The following EML5 variants were observed in gnomAD, a reference collection of about 807,000 sequenced individuals.
EML5 encodes the protein echinoderm microtubule-associated protein-like 5.
A neutral mutation model predicts 250.0 loss-of-function variants in EML5; 120 were observed. That is an observed-to-expected ratio of 0.48 (90% CI 0.41 to 0.56). EML5 has a LOEUF of 0.56. EML5 is among the 20% of genes least tolerant of loss of function. The pLI is 0.00. For synonymous variants in EML5, 771 were observed against 806.5 expected, an observed-to-expected ratio of 0.96 and a Z score of 0.75; for missense variants, 2,006 against 2,437.6, an observed-to-expected ratio of 0.82 and a Z score of 3.73.
chr14:88,616,092 T>C (rs1276128888), intron 43 of EML5, 50 bp downstream of exon 43: 8 of 1,580,718 alleles, frequency 5.1e-6, no homozygotes, highest in African/African-American at 4.0e-5. Flanking sequence ...GTATTAAGTC[T>C]CTTAACTAGT....
At chr14:88,704,759 T>A in intron 13 of EML5, 101 bp downstream of exon 13, 2 of 799,786 alleles carry the variant, frequency 2.5e-6, no homozygotes, top group Admixed American at 2.6e-5. Context: ...CTTTCGGATA[T>A]GTCATTTCAG....
intron 1 of EML5, among the ~76,000 whole-genome samples, chr14:88,764,512 T>C (rs1345450857): frequency 1.3e-5 from 2 of 152,228 alleles, no homozygotes; most frequent in Non-Finnish European, 2.9e-5. Flanking sequence ...TCAGCCTAGC[T>C]AGAAGTTTAT....
intron 35 of EML5, chr14:88,625,659 C>T (rs1447728526): frequency 6.5e-6 from 1 of 153,588 alleles, no homozygotes; most frequent in East Asian, 1.9e-4. Context: ...GCCTTGGCCT[C>T]CCTAAGTGCT....
At chr14:88,715,988 C>G (rs917983288) in intron 8 of EML5, among the ~76,000 whole-genome samples, 1 of 151,940 alleles carries the variant, frequency 6.6e-6, no homozygotes, top group Admixed American at 6.6e-5. Context: ...AGTAAAACAC[C>G]ACGGAGTTTC....
At chr14:88,634,427 CA>C in intron 33 of EML5, 41 bp downstream of exon 33, 1 of 1,379,930 alleles carries the variant, frequency 7.2e-7, no homozygotes, top group Middle Eastern at 1.8e-4. Flanking sequence ...CTATCATTAC[CA>C]AACAATATAA....
rs1207959351 is a variant in EML5, at chr14:88,638,865, C to T, written c.4280G>A (p.Cys1427Tyr). 6.3e-7 allele frequency: 1 copy of T among 1,597,220 alleles called. No individual in the cohort carries two copies. Among genetic ancestry groups the T allele is most frequent in the African/African-American group, 1.3e-5 (1 of 74,700 alleles). ...FYQEHNDDILCLTVNQHPKFI... is the reference protein window; with the variant it reads ...FYQEHNDDILYLTVNQHPKFI... ...TTTGGGGTGCTGGTTTACTGTGAGG[C>T]ACAGAATATCATCATTATGTTCCTG... is the stretch of plus-strand genomic sequence containing the variant. Residue 1427 changes from cysteine to tyrosine, a missense_variant, in exon 32 of 44, where the codon TGC becomes TAC. Transcript: ENST00000554922.
intron 1 of EML5, among the ~76,000 whole-genome samples, chr14:88,774,178 G>A (rs557532251): frequency 6.6e-6 from 1 of 152,130 alleles, no homozygotes; most frequent in Non-Finnish European, 1.5e-5. Context: ...TGATTACTGG[G>A]CTCTACACTT....
chr14:88,673,360 T>C (rs1446911848), intron 21 of EML5, among the ~76,000 whole-genome samples: 1 of 152,162 alleles, frequency 6.6e-6, no homozygotes, highest in African/African-American at 2.4e-5. Flanking sequence ...AAATTCTCAA[T>C]AAACTAGGTA....
chr14:88,726,552 T>A lies in EML5; in HGVS notation c.1176A>T (p.Val392=). The change falls in exon 8 of 44, where the codon GTA becomes GTT. Residue 392 remains valine (V), a synonymous_variant. Coordinates refer to ENST00000554922, the MANE Select transcript of EML5 (RefSeq NM_183387.3). The part of the protein sequence containing the change: ...ALGMKDGSFT[V]LRVRDMTEVV... Reference sequence around the variant, plus strand: ...CCCTAATACCATACCTTACTCTAAGTACAGTGAATGAGCCATCCTTCATTC... The same window carrying A: ...CCCTAATACCATACCTTACTCTAAGAACAGTGAATGAGCCATCCTTCATTC... 1 of 1,606,258 alleles carries A rather than the reference T, an allele frequency of 6.2e-7. No homozygotes were observed. Among genetic ancestry groups the A allele is most frequent in the Non-Finnish European group, 8.5e-7 (1 of 1,176,052 alleles).
chr14:88,781,499 G>T (rs1157605667), intron 1 of EML5, among the ~76,000 whole-genome samples: 1 of 152,154 alleles, frequency 6.6e-6, no homozygotes, highest in African/African-American at 2.4e-5. Context: ...ACTAAAAATA[G>T]TCACTTCTTT....
rs547384412 is a variant in EML5, at chr14:88,792,230, G to A, written c.197+77C>T. Reference sequence around the variant, plus strand: ...GATGCTCCGTGCAGGAGCGGTCACGGCGTCCAGAGGAACCCGCGGGTGCAA... The same window carrying A: ...GATGCTCCGTGCAGGAGCGGTCACGACGTCCAGAGGAACCCGCGGGTGCAA... On this transcript the variant is annotated intron_variant, in intron 1 of 43. Coordinates refer to ENST00000554922, the MANE Select transcript of EML5 (RefSeq NM_183387.3). This position sits in a 1 kb window ranked among gnomAD's most constrained non-coding sequence, Gnocchi z 6.9. 6.6e-7 allele frequency: 1 copy of A among 1,505,804 alleles called. No individual in the cohort carries two copies. The highest frequency in any genetic ancestry group is 1.2e-5 in the South Asian group (1 of 81,440). 93.3% of individuals were successfully genotyped at this position (1,505,804 alleles called of 1,614,324 possible).
rs1382281381 is a variant in EML5 at position 88,704,908 on chromosome 14, C to G, written c.2003G>C (p.Arg668Thr). Residue 668 changes from arginine (R) to threonine (T), a missense_variant, in exon 13 of 44, where the codon AGA (arginine) becomes ACA (threonine). Arg to Thr is a moderately conservative substitution (Grantham distance 71, BLOSUM62 -1). This residue lies in a region of EML5 where 1,375 missense variants were observed against 1,590.3 expected (regional missense o/e 0.86). Coordinates refer to ENST00000554922, the MANE Select transcript of EML5 (RefSeq NM_183387.3). ...ACTATTTCCTGGAGCCCGCTCTCTT[C>G]TTTTAGAAGTAGCACTTTTTTGTTT... The part of the protein sequence containing the change: ...KEKQKSATSK[R>T]RERAPGNSIR... 1.2e-6 allele frequency: 2 copies of G among 1,613,114 alleles called. No individual in the cohort carries two copies. The highest frequency in any genetic ancestry group is 2.7e-5 in the African/African-American group (2 of 74,896).
chr14:88,698,265 C>T (rs1429030673), intron 14 of EML5, among the ~76,000 whole-genome samples: 11 of 119,942 alleles, frequency 9.2e-5, no homozygotes, highest in East Asian at 2.4e-4. Context: ...CTCCAGTTTC[C>T]TTTTTTTTTT....
At position 88,736,407 on chromosome 14, in the gene EML5, T is replaced by C. The variant is rs758033305; in HGVS notation, c.1006A>G (p.Thr336Ala). The stretch of plus-strand genomic sequence containing the variant: ...CTTCCAGTCACAGCCAAAGGTTTAG[T>C]AGGATGGACAGCAAGTGCCCAAAGT... ...GELWALAVHP[T>A]KPLAVTGSDD... is the part of the protein sequence containing the mutation. The change falls in exon 7 of 44, where the codon ACT becomes GCT. Residue 336 changes from threonine (T) to alanine (A), a missense_variant. This residue lies in a region of EML5 where 1,375 missense variants were observed against 1,590.3 expected (regional missense o/e 0.86). Transcript: ENST00000554922. The C allele has an allele frequency of 5.0e-6, 8 of 1,613,868 alleles. No homozygotes were observed. Among genetic ancestry groups the C allele is most frequent in the Non-Finnish European group, 5.9e-6 (7 of 1,179,892 alleles).
chr14:88,747,466 C>T (rs1333467518), intron 2 of EML5, among the ~76,000 whole-genome samples: 1 of 151,904 alleles, frequency 6.6e-6, no homozygotes, highest in African/African-American at 2.4e-5. Context: ...CCCACACACA[C>T]AAACACAACA....
chr14:88,695,442 C>T lies in EML5; in HGVS notation c.2357G>A (p.Arg786His), dbSNP rs749702566. 4.2e-5 allele frequency: 67 copies of T among 1,611,950 alleles called. No individual in the cohort carries two copies. Among genetic ancestry groups the T allele is most frequent in the Non-Finnish European group, 4.7e-5 (55 of 1,179,126 alleles). ...ATCATCTATGCCAACTGATGCCAAA[C>T]GTTTCCCATCCGCTGTGGAAAATTA... ...SAVDFSADGK[R>H]LASVGIDDSH... The change falls in exon 16 of 44, where the codon CGT (arginine) becomes CAT (histidine). Residue 786 changes from arginine (R) to histidine (H), a missense_variant. Arg to His is a conservative substitution (Grantham distance 29, BLOSUM62 0). Around this residue, in one of 7 missense-constraint regions of EML5, gnomAD observed 1,375 missense variants for 1,590.3 expected, o/e 0.86. Transcript: ENST00000554922.
At chr14:88,713,207 T>C (rs2093433170) in intron 9 of EML5, among the ~76,000 whole-genome samples, 1 of 151,698 alleles carries the variant, frequency 6.6e-6, no homozygotes, top group South Asian at 2.1e-4. Flanking sequence ...GCCTGGCCAA[T>C]ATGGTAAAAC....
At chr14:88,686,490 C>T (rs971177056) in intron 19 of EML5, among the ~76,000 whole-genome samples, 16 of 152,026 alleles carry the variant, frequency 1.1e-4, no homozygotes, top group African/African-American at 3.6e-4. Flanking sequence ...GGGAGTTGGG[C>T]CTGATGCTGC....
chr14:88,623,806 G>C lies in EML5; in HGVS notation c.4899-1088C>G, dbSNP rs2089482393. Reference sequence around the variant, plus strand: ...GAACAGTTTAGCAGGCTTCTAGTGAGTGGGGGTGTGCAGGAGTAAATGACG... The same window carrying C: ...GAACAGTTTAGCAGGCTTCTAGTGACTGGGGGTGTGCAGGAGTAAATGACG... On this transcript the variant is annotated intron_variant, in intron 36 of 43. Coordinates refer to ENST00000554922, the MANE Select transcript of EML5 (RefSeq NM_183387.3). The C allele has an allele frequency of 2.0e-5, 3 of 152,212 alleles. No individual in the cohort carries two copies. In the South Asian group the frequency reaches 6.2e-4, roughly 32 times the overall value. 9.4% of individuals were successfully genotyped at this position (152,212 alleles called of 1,614,324 possible).
Sources: allele counts gnomAD v4.1 joint callset (sites outside exome capture counted in the v4.1 genomes callset), GRCh38; gene constraint gnomAD v4.1.1; regional missense constraint gnomAD v4.1.1; non-coding constraint Gnocchi (gnomAD v3.1); transcripts MANE v1.5; gene names NCBI Gene and HGNC (gene_info 2026-07-23, HGNC 2026-07-21).